The following MBNL1 variants were observed in gnomAD, a reference collection of about 807,000 sequenced individuals.
The protein encoded by MBNL1 is muscleblind-like protein 1.
MBNL1 carries 8 observed loss-of-function variants against 42.2 expected under a neutral mutation model. That is an observed-to-expected ratio of 0.19 (90% CI 0.11 to 0.34). MBNL1 has a LOEUF of 0.34. MBNL1 is among the 10% of genes least tolerant of loss of function. MBNL1 has a pLI of 1.00. For missense variants in MBNL1, 309 were observed against 495.3 expected, an observed-to-expected ratio of 0.62 and a Z score of 3.57; for synonymous variants, 169 against 173.9, an observed-to-expected ratio of 0.97 and a Z score of 0.22.
intron 4 of MBNL1, among the ~76,000 whole-genome samples, chr3:152,440,014 T>C (rs1374984509): frequency 8.5e-5 from 13 of 152,216 alleles, no homozygotes; most frequent in Admixed American, 8.5e-4. Context: ...ATTTAATGGT[T>C]CTGTCTTTGG....
chr3:152,248,612 AT>A (rs976434379), intron 2 of MBNL1, among the ~76,000 whole-genome samples: 2 of 151,730 alleles, frequency 1.3e-5, no homozygotes, highest in Non-Finnish European at 2.9e-5. Flanking sequence ...TTCAAATAAA[AT>A]TTTTTAAAAA....
Position 152,452,648 on chromosome 3 carries a change from G to T in MBNL1, c.962-2894G>T, listed in dbSNP as rs530710513. Among the ~76,000 whole-genome samples, 11 of 152,264 alleles carry T rather than the reference G, an allele frequency of 7.2e-5. No individual in the cohort carries two copies. In the East Asian group the frequency reaches 1.9e-3, roughly 27 times the overall value. On this transcript the variant is annotated intron_variant, in intron 6 of 9. Transcript: ENST00000324210. The stretch of plus-strand genomic sequence containing the variant: ...TGATGTCTGCAGGGCTATTGTGAAA[G>T]AACAGGCTACCTACCCAGCTACCTG...
In MBNL1 at chr3:152,352,592, G is replaced by GT. The variant is rs553800149; in HGVS notation, c.174+52234dup. On this transcript the variant is annotated intron_variant, in intron 2 of 9. Coordinates refer to ENST00000324210, the MANE Select transcript of MBNL1 (RefSeq NM_021038.5). ...ACCCTGGTTTTTTTTTGCTGTTGTT[G>GT]TTTTTTTTTGGTTGTTGTTGTTTTT... Among the ~76,000 whole-genome samples, 42 of 150,080 alleles carry GT rather than the reference G, an allele frequency of 2.8e-4. No individual in the cohort carries two copies. In the East Asian group the frequency reaches 3.3e-3, roughly 12 times the overall value.
chr3:152,409,137 C>T (rs2098508162), intron 2 of MBNL1, among the ~76,000 whole-genome samples: 2 of 152,018 alleles, frequency 1.3e-5, no homozygotes, highest in African/African-American at 2.4e-5. Flanking sequence ...TCATATCTAC[C>T]AAATGAAAAC....
chr3:152,378,452 G>A (rs2097019594), intron 2 of MBNL1, among the ~76,000 whole-genome samples: 1 of 151,984 alleles, frequency 6.6e-6, no homozygotes, highest in African/African-American at 2.4e-5. Context: ...ACAATATAAT[G>A]CAACAACATG....
At chr3:152,284,031 C>G (rs920935536) in intron 1 of MBNL1, among the ~76,000 whole-genome samples, 1 of 152,084 alleles carries the variant, frequency 6.6e-6, no homozygotes, top group African/African-American at 2.4e-5. Context: ...AATTAAACAT[C>G]AAATTCTTAA....
intron 3 of MBNL1, among the ~76,000 whole-genome samples, chr3:152,418,733 T>TC (rs1475564086): frequency 3.3e-5 from 5 of 150,390 alleles, no homozygotes; most frequent in African/African-American, 1.2e-4. Flanking sequence ...TTTTTTTTTT[T>TC]TGAGACAGAA....
chr3:152,353,957 TTAAGTG>T (rs2095312781), intron 2 of MBNL1, among the ~76,000 whole-genome samples: 1 of 152,088 alleles, frequency 6.6e-6, no homozygotes, highest in Non-Finnish European at 1.5e-5. Context: ...ATCCCCTAGT[TTAAGTG>T]AAAGAGGTAA....
intron 2 of MBNL1, among the ~76,000 whole-genome samples, chr3:152,313,706 C>G (rs1037960783): frequency 6.6e-6 from 1 of 152,174 alleles, no homozygotes; most frequent in Non-Finnish European, 1.5e-5. Flanking sequence ...CATTGCACTA[C>G]AGGTCTCTGT....
At chr3:152,408,292 A>G (rs2098482664) in intron 2 of MBNL1, among the ~76,000 whole-genome samples, 2 of 152,186 alleles carry the variant, frequency 1.3e-5, no homozygotes, top group South Asian at 4.1e-4. Flanking sequence ...TACTTGTAAA[A>G]CAAATAACAG....
At chr3:152,384,574 A>G (rs1221239342) in intron 2 of MBNL1, among the ~76,000 whole-genome samples, 1 of 152,138 alleles carries the variant, frequency 6.6e-6, no homozygotes, top group East Asian at 1.9e-4. Context: ...TGACAAATAG[A>G]TTGCAGTGAG....
intron 2 of MBNL1, among the ~76,000 whole-genome samples, chr3:152,320,144 A>G (rs746749652): frequency 2.0e-5 from 3 of 152,180 alleles, no homozygotes; most frequent in Admixed American, 6.6e-5. Context: ...AGTGAATTGA[A>G]TGCGATGTTT....
At chr3:152,383,445 A>C (rs1290702828) in intron 2 of MBNL1, among the ~76,000 whole-genome samples, 1 of 152,080 alleles carries the variant, frequency 6.6e-6, no homozygotes, top group Non-Finnish European at 1.5e-5. Context: ...TACAGAGCCC[A>C]AGGGTATTCT....
In MBNL1 at chr3:152,432,839, G is replaced by A. The variant is rs140237042; in HGVS notation, c.468G>A (p.Leu156=). ...PAEILPTAPM[L]VTGNPGVPVP... is the part of the protein sequence containing the mutation. ...AGATCTTGCCGACTGCACCAATGTT[G>A]GTTACAGGGAATCCGGGTGTCCCTG... Residue 156 remains leucine, a synonymous_variant, in exon 4 of 10, where the codon TTG becomes TTA. Coordinates refer to ENST00000324210, the MANE Select transcript of MBNL1 (RefSeq NM_021038.5). The A allele has an allele frequency of 6.0e-5, 97 of 1,613,924 alleles. No homozygotes were observed. The highest frequency in any genetic ancestry group is 7.6e-5 in the Non-Finnish European group (90 of 1,180,008).
At chr3:152,406,768 A>C (rs1225605055) in intron 2 of MBNL1, among the ~76,000 whole-genome samples, 1 of 152,128 alleles carries the variant, frequency 6.6e-6, no homozygotes, top group Non-Finnish European at 1.5e-5. Flanking sequence ...GAGAATCTTC[A>C]CCATTAAACT....
intron 1 of MBNL1, among the ~76,000 whole-genome samples, chr3:152,282,123 A>G (rs909705154): frequency 8.5e-5 from 13 of 152,276 alleles, no homozygotes; most frequent in African/African-American, 3.1e-4. Context: ...GCTCTGAAAT[A>G]TTGATACCAT....
chr3:152,413,359 C>G (rs2153636478), intron 2 of MBNL1, among the ~76,000 whole-genome samples: 1 of 152,258 alleles, frequency 6.6e-6, no homozygotes, highest in South Asian at 2.1e-4. Context: ...TAATTCAGTA[C>G]TAGATAGAGA....
intron 6 of MBNL1, among the ~76,000 whole-genome samples, chr3:152,448,211 T>C (rs1428140948): frequency 6.6e-6 from 1 of 152,176 alleles, no homozygotes; most frequent in African/African-American, 2.4e-5. Flanking sequence ...AGGTCAAGAA[T>C]GAAAACAACT....
chr3:152,262,192 T>C (rs1449293599), intron 2 of MBNL1, among the ~76,000 whole-genome samples: 2 of 152,196 alleles, frequency 1.3e-5, no homozygotes, highest in Admixed American at 1.3e-4. Context: ...TACTGATGCC[T>C]AAGTTAATAT....
Sources: gnomAD v4.1 joint callset for allele counts (sites outside exome capture counted in the v4.1 genomes callset) on GRCh38, gnomAD v4.1.1 for gene constraint, MANE v1.5 for transcripts, NCBI Gene and HGNC (gene_info 2026-07-23, HGNC 2026-07-21) for gene names.